Variants in SYN3 observed in about 807,000 individuals in gnomAD.
SYN3 encodes the protein synapsin III.
In SYN3, 35 loss-of-function variants were observed where a neutral mutation model predicts 65.8. The observed-to-expected ratio is 0.53, with a 90% confidence interval of 0.41 to 0.70. The LOEUF (loss-of-function observed/expected upper bound fraction) is 0.70, where lower values mean the gene tolerates loss of function less well. SYN3 is among the 30% of genes least tolerant of loss of function. The pLI is 0.00. For missense variants in SYN3, 680 were observed against 749.0 expected (o/e 0.91, Z 1.08); for synonymous variants, 270 against 292.9 (o/e 0.92, Z 0.80).
intron 6 of SYN3, among the ~76,000 whole-genome samples, chr22:32,856,283 T>G (rs1393741087): frequency 6.6e-6 from 1 of 151,942 alleles, no homozygotes; most frequent in Non-Finnish European, 1.5e-5. Flanking sequence ...CAGACATGTG[T>G]AGCCGAAGGA....
rs1211636080 is a variant in SYN3 at position 32,512,551 on chromosome 22, G to A, written c.*1141C>T. 1 of 152,234 alleles carries A rather than the reference G, an allele frequency of 6.6e-6. No homozygotes were observed. 9.4% of individuals were successfully genotyped at this position (152,234 alleles called of 1,614,324 possible). On this transcript the variant is annotated 3_prime_UTR_variant, in exon 14 of 14. Coordinates refer to ENST00000358763, the MANE Select transcript of SYN3 (RefSeq NM_003490.4). ...ACTAACTTATTGAGTCAAATCATCAGTTTGGATTTAACAAAGCTGATTTCT... is the reference window on the plus strand; with the variant it reads ...ACTAACTTATTGAGTCAAATCATCAATTTGGATTTAACAAAGCTGATTTCT...
At chr22:33,021,390 C>T (rs1486846418) in intron 1 of SYN3, among the ~76,000 whole-genome samples, 1 of 152,138 alleles carries the variant, frequency 6.6e-6, no homozygotes, top group African/African-American at 2.4e-5. Context: ...CCACCACTAC[C>T]AAGATATGGA....
Position 32,741,951 on chromosome 22 carries a change from C to T in SYN3, c.711+122964G>A, listed in dbSNP as rs73156448. ...AAGTATTTACCTTTCTAGTTTAACA[C>T]TTTCCATTTTTCCAGACAGGAAGTT... On this transcript the variant is annotated intron_variant, in intron 6 of 13. Coordinates refer to ENST00000358763, the MANE Select transcript of SYN3 (RefSeq NM_003490.4). 5.5e-3 allele frequency among the ~76,000 whole-genome samples: 834 copies of T among 152,248 alleles called. 4 individuals are homozygous for T. Among genetic ancestry groups the T allele is most frequent in the Non-Finnish European group, 8.4e-3 (568 of 68,022 alleles).
chr22:32,624,898 T>G (rs917836897), intron 6 of SYN3, among the ~76,000 whole-genome samples: 6 of 152,216 alleles, frequency 3.9e-5, no homozygotes, highest in Non-Finnish European at 8.8e-5. Context: ...AGAAAGAGGA[T>G]GTCACTTGCT....
chr22:33,034,412 C>G (rs2053815338), intron 1 of SYN3, among the ~76,000 whole-genome samples: 1 of 151,654 alleles, frequency 6.6e-6, no homozygotes, highest in South Asian at 2.1e-4. Context: ...ACACCCCCAG[C>G]TAATTTTTAT....
In SYN3 at chr22:32,892,664, T is replaced by C. The variant is rs534591984; in HGVS notation, c.462-23539A>G. Among the ~76,000 whole-genome samples, 5 of 152,294 alleles carry C rather than the reference T, an allele frequency of 3.3e-5. 1 individual carries two copies. The South Asian group carries it at 8.3e-4, about 25-fold the overall frequency. ...GGAATTCAATTCTGCTAGGTGGACA[T>C]ATAAACTGGATACCACAGCCACCCA... On this transcript the variant is annotated intron_variant, in intron 4 of 13. Coordinates refer to ENST00000358763, the MANE Select transcript of SYN3 (RefSeq NM_003490.4).
intron 6 of SYN3, among the ~76,000 whole-genome samples, chr22:32,810,457 C>T (rs5749517): frequency 0.048 from 7,200 of 149,416 alleles, 209 homozygotes; most frequent in African/African-American, 0.062. Context: ...GAAAGCTGTA[C>T]GATCTGGCCT....
intron 6 of SYN3, among the ~76,000 whole-genome samples, chr22:32,816,161 C>T (rs1247395678): frequency 2.0e-5 from 3 of 151,916 alleles, no homozygotes; most frequent in Non-Finnish European, 4.4e-5. Flanking sequence ...CCCAGTTGGG[C>T]GAGGTCAGTG....
intron 1 of SYN3, among the ~76,000 whole-genome samples, chr22:33,053,133 G>C (rs1221987845): frequency 6.6e-6 from 1 of 152,112 alleles, no homozygotes; most frequent in Non-Finnish European, 1.5e-5. Flanking sequence ...GTTAAGAGAG[G>C]CTGAGTCGGC....
At chr22:32,912,190 G>A (rs916730360) in intron 4 of SYN3, among the ~76,000 whole-genome samples, 2 of 152,218 alleles carry the variant, frequency 1.3e-5, no homozygotes, top group African/African-American at 2.4e-5. Flanking sequence ...GTTGCCCGCA[G>A]AGCTTTGGGC....
At chr22:32,702,651 C>T (rs1461443488) in intron 6 of SYN3, among the ~76,000 whole-genome samples, 2 of 152,032 alleles carry the variant, frequency 1.3e-5, no homozygotes, top group Admixed American at 6.6e-5. Context: ...ATTTATTAGT[C>T]ATGGCTTTCA....
At chr22:32,605,769 A>G (rs1377426382) in intron 6 of SYN3, among the ~76,000 whole-genome samples, 5 of 152,138 alleles carry the variant, frequency 3.3e-5, no homozygotes, top group African/African-American at 1.2e-4. Context: ...AGGCCAGCAG[A>G]CCTGTTAGGA....
chr22:32,801,200 G>A lies in SYN3; in HGVS notation c.711+63715C>T, dbSNP rs1191853591. Among the ~76,000 whole-genome samples the A allele has an allele frequency of 6.6e-6, 1 of 152,192 alleles. No individual in the cohort carries two copies. The highest frequency in any genetic ancestry group is 2.4e-5 in the African/African-American group (1 of 41,444). On this transcript the variant is annotated intron_variant, in intron 6 of 13. Transcript: ENST00000358763. This position sits in a 1 kb window ranked among gnomAD's most constrained non-coding sequence, Gnocchi z 4.7. ...GAGAGAGAGAAAGAGAGAGAGTTTG[G>A]GTCTTTCTCCTCTGTGCCTGCTCTC...
intron 6 of SYN3, among the ~76,000 whole-genome samples, chr22:32,663,646 T>C (rs2060249887): frequency 2.6e-5 from 4 of 152,204 alleles, no homozygotes; most frequent in African/African-American, 9.7e-5. Context: ...ATGTCTTTAT[T>C]AGCAGTGTGG....
intron 7 of SYN3, among the ~76,000 whole-genome samples, chr22:32,556,979 A>C (rs533598311): frequency 6.2e-4 from 94 of 152,104 alleles, no homozygotes; most frequent in Non-Finnish European, 1.1e-3. Flanking sequence ...ATACTTTAAA[A>C]AAGTCCACAC....
intron 6 of SYN3, among the ~76,000 whole-genome samples, chr22:32,661,191 A>G (rs2060211425): frequency 1.3e-5 from 2 of 152,224 alleles, no homozygotes; most frequent in African/African-American, 4.8e-5. Flanking sequence ...ACCAATTGGG[A>G]CAAGCAGGTC....
intron 1 of SYN3, among the ~76,000 whole-genome samples, chr22:33,009,751 A>C (rs868303326): frequency 7.1e-6 from 1 of 141,206 alleles, no homozygotes; most frequent in Non-Finnish European, 1.5e-5. Context: ...TACGTATCTA[A>C]ACACACACAC....
At chr22:32,795,154 C>T (rs1328959615) in intron 6 of SYN3, among the ~76,000 whole-genome samples, 4 of 152,072 alleles carry the variant, frequency 2.6e-5, no homozygotes, top group African/African-American at 9.7e-5. Context: ...CAGAAAGCCA[C>T]GGAGCACAAG....
At chr22:32,528,151 G>A (rs1601567684) in intron 11 of SYN3, 146 bp from the exon 12 acceptor site, 1 of 677,892 alleles carries the variant, frequency 1.5e-6, no homozygotes. Context: ...ACAGTGTAGT[G>A]AAGTTCTATA....
Sources: allele counts gnomAD v4.1 joint callset (sites outside exome capture counted in the v4.1 genomes callset), GRCh38; gene constraint gnomAD v4.1.1; non-coding constraint Gnocchi (gnomAD v3.1); transcripts MANE v1.5; gene names NCBI Gene and HGNC (gene_info 2026-07-23, HGNC 2026-07-21).